CPD: variants seen among roughly 807,000 people sequenced by gnomAD.
CPD encodes carboxypeptidase D, also known as metallocarboxypeptidase D.
Under a neutral mutation model 138.3 loss-of-function variants are expected in CPD, and 69 were observed. The ratio of observed to expected loss-of-function variants is 0.50; its 90% CI spans 0.41 to 0.61. The LOEUF (loss-of-function observed/expected upper bound fraction) is 0.61. CPD is among the 20% of genes least tolerant of loss of function. The pLI, the probability that CPD is intolerant of heterozygous loss-of-function variation, is 0.00. For synonymous variants in CPD, 651 were observed against 642.1 expected (o/e 1.01, Z -0.21); for missense variants, 1,432 against 1,733.3 (o/e 0.83, Z 3.09).
Position 30,385,125 on chromosome 17 carries a change from T to C in CPD, c.883T>C (p.Tyr295His). Reference sequence around the variant, plus strand: ...AGTATTTAAATACTTGGCAAAAGCTTATGCTTCAAACCACCCCATAATGAA... The same window carrying C: ...AGTATTTAAATACTTGGCAAAAGCTCATGCTTCAAACCACCCCATAATGAA... The part of the protein sequence containing the change: ...DEVFKYLAKA[Y>H]ASNHPIMKTG... The change falls in exon 2 of 21, where the codon TAT (tyrosine) becomes CAT (histidine). Residue 295 changes from tyrosine (Y) to histidine (H), a missense_variant. Tyr to His is a moderately conservative substitution (Grantham distance 83). Transcript: ENST00000225719. The C allele has an allele frequency of 6.2e-7, 1 of 1,614,120 alleles. No homozygotes were observed. The highest frequency in any genetic ancestry group is 8.5e-7 in the Non-Finnish European group (1 of 1,179,986).
chr17:30,439,317 TAGAA>T (rs1438323399), intron 9 of CPD, among the ~76,000 whole-genome samples: 8 of 151,088 alleles, frequency 5.3e-5, no homozygotes, highest in Non-Finnish European at 8.8e-5. Flanking sequence ...TTCTGGCTAT[TAGAA>T]AGAATCTTAC....
chr17:30,430,114 C>T (rs1393732043), intron 7 of CPD, among the ~76,000 whole-genome samples: 1 of 152,134 alleles, frequency 6.6e-6, no homozygotes, highest in Admixed American at 6.5e-5. Flanking sequence ...AAGCAATATT[C>T]TTTTTCATAA....
rs1597701633 is a variant in CPD, at chr17:30,379,268, G to A, written c.288G>A (p.Val96=). The A allele has an allele frequency of 5.3e-6, 8 of 1,513,236 alleles. No homozygotes were observed. In the East Asian group the frequency reaches 1.6e-4, roughly 30 times the overall value. The allele number at this position is 1,513,236 out of a possible 1,614,324, so 93.7% of individuals were successfully genotyped here. The change falls in exon 1 of 21, where the codon GTG becomes GTA. Residue 96 remains valine (V), a synonymous_variant. Transcript: ENST00000225719. This position sits in a 1 kb window ranked among gnomAD's most constrained non-coding sequence, Gnocchi z 7.0. The part of the protein sequence containing the change: ...GRSVEGRPLW[V]LRLTAGLGSL... Reference sequence around the variant, plus strand: ...CGGTGGAAGGCCGGCCGCTGTGGGTGCTTCGCCTCACCGCCGGCCTGGGGT... The same window carrying A: ...CGGTGGAAGGCCGGCCGCTGTGGGTACTTCGCCTCACCGCCGGCCTGGGGT...
At chr17:30,462,089 A>T in intron 19 of CPD, 27 bp downstream of exon 19, 3 of 1,568,426 alleles carry the variant, frequency 1.9e-6, no homozygotes, top group Non-Finnish European at 2.6e-6. Flanking sequence ...GAGTAGCATC[A>T]TGTAAATTTT....
At chr17:30,409,490 G>C (rs2143379575) in intron 2 of CPD, among the ~76,000 whole-genome samples, 1 of 152,214 alleles carries the variant, frequency 6.6e-6, no homozygotes, top group South Asian at 2.1e-4. Context: ...TCTGCTCCTG[G>C]ACTTTATTTG....
At position 30,465,461 on chromosome 17, in the gene CPD, G is replaced by T. The variant is rs1238816543; in HGVS notation, c.*647G>T. 1.3e-5 allele frequency: 2 copies of T among 152,600 alleles called. No homozygotes were observed. The highest frequency in any genetic ancestry group is 4.8e-5 in the African/African-American group (2 of 41,402). The allele number at this position is 152,600 out of a possible 1,614,324, so 9.5% of individuals were successfully genotyped here. On this transcript the variant is annotated 3_prime_UTR_variant, in exon 21 of 21. Transcript: ENST00000225719. ...AGCAGGATTTCACTACCTCTCTTAA[G>T]GTTTAGCAAACTTCTAAATAGCCCA...
intron 2 of CPD, among the ~76,000 whole-genome samples, chr17:30,404,408 T>C (rs1245373417): frequency 6.6e-6 from 1 of 152,160 alleles, no homozygotes; most frequent in Non-Finnish European, 1.5e-5. Flanking sequence ...TTTTATAACC[T>C]TTTTTGATGC....
intron 2 of CPD, among the ~76,000 whole-genome samples, chr17:30,390,321 A>G (rs1305433200): frequency 6.6e-6 from 1 of 152,134 alleles, no homozygotes; most frequent in Non-Finnish European, 1.5e-5. Flanking sequence ...CAGCCGAGTA[A>G]TTTTACTGAT....
chr17:30,444,554 T>G (rs1258635952), intron 11 of CPD, among the ~76,000 whole-genome samples: 1 of 147,432 alleles, frequency 6.8e-6, no homozygotes, highest in African/African-American at 2.5e-5. Flanking sequence ...AGACAGAGCT[T>G]CTCTCTATCG....
At chr17:30,464,551 G>A in intron 20 of CPD, 37 bp from the exon 21 acceptor site, 1 of 1,550,896 alleles carries the variant, frequency 6.4e-7, no homozygotes, top group South Asian at 1.1e-5. Context: ...TATCCTTAAA[G>A]TATAATATCA....
rs1913614191 is a variant in CPD, at chr17:30,465,548, G to T, written c.*734G>T. On this transcript the variant is annotated 3_prime_UTR_variant, in exon 21 of 21. Transcript: ENST00000225719. The stretch of plus-strand genomic sequence containing the variant: ...TCTAAATGCCCACTTGAATGAAGCT[G>T]AGAGAGAGATCTAGCAAAAGCTAAA... The T allele has an allele frequency of 6.6e-6, 1 of 152,570 alleles. No individual in the cohort carries two copies. The highest frequency in any genetic ancestry group is 6.5e-5 in the Admixed American group (1 of 15,278). 9.5% of individuals were successfully genotyped at this position (152,570 alleles called of 1,614,324 possible).
Position 30,379,657 on chromosome 17 carries a change from C to T in CPD, c.677C>T (p.Thr226Ile). 6.6e-7 allele frequency: 1 copy of T among 1,523,142 alleles called. No individual in the cohort carries two copies. The highest frequency in any genetic ancestry group is 8.7e-7 in the Non-Finnish European group (1 of 1,151,846). The allele number at this position is 1,523,142 out of a possible 1,614,324, so 94.4% of individuals were successfully genotyped here. The change falls in exon 1 of 21, where the codon ACC (threonine) becomes ATC (isoleucine). Residue 226 changes from threonine (T) to isoleucine (I), a missense_variant. By Grantham distance (89) the Thr-to-Ile change is moderately conservative (BLOSUM62 -1). Coordinates refer to ENST00000225719, the MANE Select transcript of CPD (RefSeq NM_001304.5). The surrounding 1 kb of genome is among the most constrained non-coding windows in gnomAD (Gnocchi z 7.0). ...CGAAGCTTTCCCGACCAGTTTAGCA[C>T]CGGCGAACCCCCCGCCCTGGACGAG... is the stretch of plus-strand genomic sequence containing the variant. ...LNRSFPDQFSTGEPPALDEVP... is the reference protein window; with the variant it reads ...LNRSFPDQFSIGEPPALDEVP...
intron 2 of CPD, among the ~76,000 whole-genome samples, chr17:30,403,558 G>A (rs1473135922): frequency 2.6e-5 from 4 of 152,202 alleles, no homozygotes; most frequent in Non-Finnish European, 5.9e-5. Flanking sequence ...TTTGTTATCA[G>A]TGAAATACAA....
intron 18 of CPD, 65 bp from the exon 19 acceptor site, chr17:30,461,812 A>G (rs1171283769): frequency 1.4e-6 from 2 of 1,387,876 alleles, no homozygotes; most frequent in African/African-American, 2.9e-5. Context: ...TCATGCCTCA[A>G]GCTAGTGCCT....
chr17:30,392,666 T>C (rs557460962), intron 2 of CPD, among the ~76,000 whole-genome samples: 3 of 152,350 alleles, frequency 2.0e-5, no homozygotes, highest in Admixed American at 1.3e-4. Flanking sequence ...ACACTATTCT[T>C]GATCACCCTG....
chr17:30,384,380 A>G lies in CPD; in HGVS notation c.747-609A>G, dbSNP rs931751357. On this transcript the variant is annotated intron_variant, in intron 1 of 20. Coordinates refer to ENST00000225719, the MANE Select transcript of CPD (RefSeq NM_001304.5). The stretch of plus-strand genomic sequence containing the variant: ...GGACGGTAAATGTAAAAAGCATAAA[A>G]GTTATTAACCTAACATATATGCAAT... 1.1e-4 allele frequency among the ~76,000 whole-genome samples: 17 copies of G among 152,364 alleles called. No individual in the cohort carries two copies. The South Asian group carries it at 3.3e-3, about 30-fold the overall frequency.
Position 30,457,433 on chromosome 17 carries a change from A to G in CPD, c.3498+907A>G, listed in dbSNP as rs186697257. ...TGCCATGAAGATTGGTATTGCAGGTATCTGTTTGAACCCTGTGCTGCCATG... is the reference window on the plus strand; with the variant it reads ...TGCCATGAAGATTGGTATTGCAGGTGTCTGTTTGAACCCTGTGCTGCCATG... On this transcript the variant is annotated intron_variant, in intron 17 of 20. Transcript: ENST00000225719. Among the ~76,000 whole-genome samples the G allele has an allele frequency of 1.3e-4, 20 of 152,210 alleles. No homozygotes were observed. In the East Asian group the frequency reaches 3.7e-3, roughly 28 times the overall value.
intron 2 of CPD, among the ~76,000 whole-genome samples, chr17:30,401,852 A>T (rs932092476): frequency 6.6e-6 from 1 of 151,396 alleles, no homozygotes; most frequent in Non-Finnish European, 1.5e-5. Context: ...ATTTTTTTGC[A>T]CTTATAGTGT....
At position 30,379,037 on chromosome 17, in the gene CPD, C is replaced by T. The variant is rs1383731344; in HGVS notation, c.57C>T (p.Leu19=). The stretch of plus-strand genomic sequence containing the variant: ...GGCGGCTAGGGCGGCTCCTGTTGCT[C>T]ATGTGCCTGCTGCTGCTGGGGAGCT... The part of the protein sequence containing the change: ...PPWRLGRLLL[L]MCLLLLGSSA... Residue 19 remains leucine (L), a synonymous_variant, in exon 1 of 21, where the codon CTC becomes CTT. Coordinates refer to ENST00000225719, the MANE Select transcript of CPD (RefSeq NM_001304.5). This position sits in a 1 kb window ranked among gnomAD's most constrained non-coding sequence, Gnocchi z 7.0. 4 of 1,561,412 alleles carry T rather than the reference C, an allele frequency of 2.6e-6. No individual in the cohort carries two copies. The highest frequency in any genetic ancestry group is 2.8e-5 in the African/African-American group (2 of 70,786).
Sources: allele counts gnomAD v4.1 joint callset (sites outside exome capture counted in the v4.1 genomes callset), GRCh38; gene constraint gnomAD v4.1.1; non-coding constraint Gnocchi (gnomAD v3.1); transcripts MANE v1.5; gene names NCBI Gene and HGNC (gene_info 2026-07-23, HGNC 2026-07-21).